Variants in ARSL observed in about 807,000 individuals in gnomAD.
ARSL encodes the protein arylsulfatase L.
ARSL carries 4 observed loss-of-function variants against 31.1 expected under a neutral mutation model. The ratio of observed to expected loss-of-function variants is 0.13; its 90% CI spans 0.06 to 0.29. ARSL has a LOEUF of 0.29. Ranked by LOEUF, ARSL falls within the 10% of genes least tolerant of loss-of-function variation. ARSL has a pLI of 1.00. For synonymous variants in ARSL, 198 were observed against 209.9 expected, an observed-to-expected ratio of 0.94 and a Z score of 0.49; for missense variants, 312 against 497.8, an observed-to-expected ratio of 0.63 and a Z score of 3.55.
chrX:2,955,584 C>T, intron 3 of ARSL, 47 bp from the exon 4 acceptor site: 1 of 1,194,775 alleles, frequency 8.4e-7, no homozygotes, highest in Non-Finnish European at 1.1e-6. Context: ...ATTAGACAGG[C>T]TTTTCATAAG....
At chrX:2,948,352 T>C (rs992290417) in intron 6 of ARSL, among the ~76,000 whole-genome samples, 1 of 111,072 alleles carries the variant, frequency 9.0e-6, no homozygotes, top group Non-Finnish European at 1.9e-5. Flanking sequence ...CCAAAAGACA[T>C]CTGACTTCTG....
Position 2,959,674 on chromosome X carries a change from A to G in ARSL, c.23+704T>C, listed in dbSNP as rs1465447152. ...GCAACATCAAATCAAGGGAGCCTGGAGCACATCTATTAATCACGGGTCTCA... is the reference window on the plus strand; with the variant it reads ...GCAACATCAAATCAAGGGAGCCTGGGGCACATCTATTAATCACGGGTCTCA... On this transcript the variant is annotated intron_variant, in intron 2 of 10. Transcript: ENST00000381134. 6.9e-6 allele frequency: 8 copies of G among 1,153,385 alleles called. No homozygotes were observed. In the Admixed American group the frequency reaches 2.1e-4, roughly 30 times the overall value.
chrX:2,955,742 T>C (rs187152762), intron 3 of ARSL, among the ~76,000 whole-genome samples: 1 of 112,103 alleles, frequency 8.9e-6, no homozygotes, highest in Non-Finnish European at 1.9e-5. Flanking sequence ...TAGGAATGAG[T>C]GGCTGGACGC....
intron 2 of ARSL, among the ~76,000 whole-genome samples, chrX:2,960,167 G>A (rs1175801179): frequency 1.2e-5 from 1 of 83,694 alleles, no homozygotes; most frequent in Non-Finnish European, 2.5e-5. Context: ...TACTCGGGAG[G>A]CTGAGGCAGG....
chrX:2,961,613 T>C (rs2089635049), intron 1 of ARSL, among the ~76,000 whole-genome samples: 2 of 112,154 alleles, frequency 1.8e-5, no homozygotes, highest in Admixed American at 1.9e-4. Context: ...CTGTCCTTTG[T>C]GGGGAAAAAT....
chrX:2,948,351 A>T (rs1192206428), intron 6 of ARSL, among the ~76,000 whole-genome samples: 1 of 111,187 alleles, frequency 9.0e-6, no homozygotes, highest in Non-Finnish European at 1.9e-5. Flanking sequence ...GCCAAAAGAC[A>T]TCTGACTTCT....
At chrX:2,943,259 T>G (rs949262747) in intron 7 of ARSL, 60 bp from the exon 8 acceptor site, 2 of 1,177,395 alleles carry the variant, frequency 1.7e-6, no homozygotes, top group Non-Finnish European at 2.3e-6. Flanking sequence ...AATGCAGCTC[T>G]GAAGTGTATG....
chrX:2,936,920 C>T lies in ARSL; in HGVS notation c.1290-57G>A, dbSNP rs1442174970. ...TGGAACAGGGACTCTGGACATTTGT[C>T]CCTCCAGCATCCACCAGTCCCAGCC... On this transcript the variant is annotated intron_variant, in intron 9 of 10. Transcript: ENST00000381134. 45 of 1,199,499 alleles carry T rather than the reference C, an allele frequency of 3.8e-5. No individual in the cohort carries two copies. In the African/African-American group the frequency reaches 5.8e-4, roughly 15 times the overall value.
intron 3 of ARSL, among the ~76,000 whole-genome samples, chrX:2,955,944 G>T (rs1444523011): frequency 1.8e-5 from 2 of 112,565 alleles, no homozygotes; most frequent in African/African-American, 6.5e-5. Flanking sequence ...ACTGAGGAAG[G>T]AGGATTGCTT....
At chrX:2,935,464 T>C (rs1156257714) in intron 10 of ARSL, among the ~76,000 whole-genome samples, 1 of 111,952 alleles carries the variant, frequency 8.9e-6, no homozygotes, top group East Asian at 2.8e-4. Flanking sequence ...TCCATTCACA[T>C]TGAATGTCAA....
intron 1 of ARSL, among the ~76,000 whole-genome samples, chrX:2,962,477 G>A (rs891880607): frequency 1.8e-5 from 2 of 110,787 alleles, no homozygotes; most frequent in Non-Finnish European, 3.8e-5. Context: ...AGAAGTGGCC[G>A]TGGTGTCTGT....
rs199731045 is a variant in ARSL, at chrX:2,949,754, G to A, written c.431-27C>T. The A allele has an allele frequency of 3.0e-3, 3,541 of 1,193,154 alleles. 5 individuals are homozygous for A. The highest frequency in any genetic ancestry group is 3.4e-3 in the Non-Finnish European group (2,980 of 882,207). On this transcript the variant is annotated intron_variant, in intron 5 of 10. Transcript: ENST00000381134. ...TGAGAGGCAAAAAGGATGTTGATGT[G>A]ACAAGCATCTGAGCATAACTGGACA...
At chrX:2,939,057 A>T (rs1454458621) in intron 8 of ARSL, among the ~76,000 whole-genome samples, 1 of 111,438 alleles carries the variant, frequency 9.0e-6, no homozygotes, top group Non-Finnish European at 1.9e-5. Context: ...TGAAACATAT[A>T]TCCACACCCT....
At position 2,953,270 on chromosome X, in the gene ARSL, G is replaced by T; in HGVS notation, c.308-5C>A. 8.3e-7 allele frequency: 1 copy of T among 1,206,549 alleles called. No homozygotes were observed. Among genetic ancestry groups the T allele is most frequent in the South Asian group, 1.8e-5 (1 of 56,595 alleles). On this transcript the variant is annotated splice_polypyrimidine_tract_variant and splice_region_variant and intron_variant, in intron 4 of 10. Transcript: ENST00000381134. ...AACCAATGCTGGAAACCATCCCTTTGAGCAATTATTAAGAGAAAGAATTAC... is the reference window on the plus strand; with the variant it reads ...AACCAATGCTGGAAACCATCCCTTTTAGCAATTATTAAGAGAAAGAATTAC...
chrX:2,958,607 C>T (rs1230755033), intron 2 of ARSL, among the ~76,000 whole-genome samples, 172 bp from the exon 3 acceptor site: 1 of 112,000 alleles, frequency 8.9e-6, no homozygotes, highest in Non-Finnish European at 1.9e-5. Context: ...TAACTGATAC[C>T]GTTGATGGCT....
chrX:2,958,562 T>C, intron 2 of ARSL, 127 bp from the exon 3 acceptor site: 2 of 774,927 alleles, frequency 2.6e-6, no homozygotes, highest in Non-Finnish European at 3.8e-6. Context: ...TGAGGACATC[T>C]CTTAGGCATT....
At chrX:2,962,973 C>A (rs753753279) in intron 1 of ARSL, among the ~76,000 whole-genome samples, 1 of 111,748 alleles carries the variant, frequency 8.9e-6, no homozygotes, top group African/African-American at 3.3e-5. Flanking sequence ...TCAAGTTTTC[C>A]GGCCTTTCCA....
chrX:2,949,511 A>G lies in ARSL; in HGVS notation c.647T>C (p.Leu216Pro), dbSNP rs751145550. The part of the protein sequence containing the change: ...LVALTLVAGK[L>P]THLIPVSWMP... ...CCACGAGACGGGTATCAGGTGTGTG[A>G]GCTTCCCTGCTACCAGTGTGAGGGC... Residue 216 changes from leucine to proline, a missense_variant, in exon 6 of 11, where the codon CTC becomes CCC. Transcript: ENST00000381134. The G allele has an allele frequency of 8.3e-7, 1 of 1,208,744 alleles. No homozygotes were observed. Among genetic ancestry groups the G allele is most frequent in the African/African-American group, 1.8e-5 (1 of 56,830 alleles).
At chrX:2,939,755 G>A (rs1026939537) in intron 8 of ARSL, among the ~76,000 whole-genome samples, 13 of 110,734 alleles carry the variant, frequency 1.2e-4, no homozygotes, top group Non-Finnish European at 2.5e-4. Flanking sequence ...TCATGTACAC[G>A]GGGCAGCACA....
Sources: allele counts gnomAD v4.1 joint callset (sites outside exome capture counted in the v4.1 genomes callset), GRCh38; gene constraint gnomAD v4.1.1; transcripts MANE v1.5; gene names NCBI Gene and HGNC (gene_info 2026-07-23, HGNC 2026-07-21).